The following VWA3B variants were observed in gnomAD, a reference collection of about 807,000 sequenced individuals.
VWA3B encodes the protein von Willebrand factor A domain-containing protein 3B.
A neutral mutation model predicts 158.3 loss-of-function variants in VWA3B; 138 were observed. The ratio of observed to expected loss-of-function variants is 0.87; its 90% confidence interval spans 0.76 to 1.00. The LOEUF (loss-of-function observed/expected upper bound fraction) is 1.00, where lower values mean the gene tolerates loss of function less well. Ranked by LOEUF, VWA3B falls within the 50% of genes least tolerant of loss-of-function variation. VWA3B has a pLI of 0.00. For synonymous variants in VWA3B, 596 were observed against 587.3 expected (o/e 1.01, Z -0.21); for missense variants, 1,555 against 1,565.1 (o/e 0.99, Z 0.11).
intron 3 of VWA3B, among the ~76,000 whole-genome samples, chr2:98,117,356 C>T (rs533244849): frequency 2.0e-5 from 3 of 152,226 alleles, no homozygotes; most frequent in South Asian, 2.1e-4. Context: ...GCTTAGTTTC[C>T]GGATGCTTTC....
intron 7 of VWA3B, among the ~76,000 whole-genome samples, chr2:98,141,298 G>T (rs34473451): frequency 0.092 from 13,976 of 152,190 alleles, 990 homozygotes; most frequent in African/African-American, 0.2. Flanking sequence ...AAAGAAAAGA[G>T]GTTTATTAGG....
rs552377353 is a variant in VWA3B at position 98,161,781 on chromosome 2, A to T, written c.989-1070A>T. 1.4e-4 allele frequency among the ~76,000 whole-genome samples: 21 copies of T among 152,204 alleles called. No individual in the cohort carries two copies. The South Asian group carries it at 1.9e-3, about 14-fold the overall frequency. On this transcript the variant is annotated intron_variant, in intron 7 of 27. Coordinates refer to ENST00000477737, the MANE Select transcript of VWA3B (RefSeq NM_144992.5). ...GAGTGCAGTGGTGTGATCTCAGCTC[A>T]CTGCAGCCTCCGCCTCCCCAGTTCA...
chr2:98,290,471 C>A, intron 22 of VWA3B, 40 bp from the exon 23 acceptor site: 1 of 1,449,530 alleles, frequency 6.9e-7, no homozygotes, highest in Non-Finnish European at 9.4e-7. Flanking sequence ...CATCTGCATT[C>A]ACTTTTTCTC....
rs1275820487 is a variant in VWA3B, at chr2:98,125,281, ACTGT to A, written c.703-2954_703-2951del. Reference sequence around the variant, plus strand: ...GGTAACCACAGAAGTGAAAAAAGTGACTGTCTGGGGCCACCTTCTATTGCTTGCT... The same window carrying A: ...GGTAACCACAGAAGTGAAAAAAGTGACTGGGGCCACCTTCTATTGCTTGCT... On this transcript the variant is annotated intron_variant, in intron 5 of 27. Coordinates refer to ENST00000477737, the MANE Select transcript of VWA3B (RefSeq NM_144992.5). The surrounding 1 kb of genome is among the most constrained non-coding windows in gnomAD (Gnocchi z 4.1). Among the ~76,000 whole-genome samples the A allele has an allele frequency of 6.6e-6, 1 of 152,216 alleles. No homozygotes were observed. Among genetic ancestry groups the A allele is most frequent in the Non-Finnish European group, 1.5e-5 (1 of 68,040 alleles).
chr2:98,163,854 G>A (rs902653301), intron 8 of VWA3B, among the ~76,000 whole-genome samples: 1 of 152,140 alleles, frequency 6.6e-6, no homozygotes, highest in African/African-American at 2.4e-5. Context: ...CAGATACTGA[G>A]GGTGGGGCAT....
chr2:98,162,054 C>A (rs1244968408), intron 7 of VWA3B, among the ~76,000 whole-genome samples: 1 of 152,098 alleles, frequency 6.6e-6, no homozygotes, highest in African/African-American at 2.4e-5. Flanking sequence ...AACATAGTAC[C>A]ACAGCATGGC....
rs1003143614 is a variant in VWA3B at position 98,119,410 on chromosome 2, T to C, written c.292-103T>C. ...GGATTCTGTAGTGTTTGGAGGGTCA[T>C]TGACAACACTGTTATGAGTGCACAG... On this transcript the variant is annotated intron_variant, in intron 3 of 27. Transcript: ENST00000477737. The C allele has an allele frequency of 6.0e-6, 8 of 1,332,788 alleles. No homozygotes were observed. The Admixed American group carries it at 9.1e-5, about 15-fold the overall frequency. The allele number at this position is 1,332,788 out of a possible 1,614,324, so 82.6% of individuals were successfully genotyped here.
chr2:98,330,259 G>A, the VWA3B span, among the ~76,000 whole-genome samples: 1 of 152,080 alleles, frequency 6.6e-6, no homozygotes, highest in Non-Finnish European at 1.5e-5. Flanking sequence ...TAACTAAGGG[G>A]CTCTTTTCCC....
intron 21 of VWA3B, among the ~76,000 whole-genome samples, chr2:98,266,471 A>G (rs968003843): frequency 6.6e-6 from 1 of 151,434 alleles, no homozygotes; most frequent in African/African-American, 2.4e-5. Flanking sequence ...GTTTGAAGTC[A>G]GGTAGTGTGA....
intron 8 of VWA3B, among the ~76,000 whole-genome samples, chr2:98,166,977 C>A (rs1052114466): frequency 6.6e-6 from 1 of 152,282 alleles, no homozygotes; most frequent in South Asian, 2.1e-4. Flanking sequence ...CTCTATACCA[C>A]GTGTCCGACC....
At chr2:98,277,716 G>A (rs1174341987) in intron 22 of VWA3B, among the ~76,000 whole-genome samples, 1 of 152,204 alleles carries the variant, frequency 6.6e-6, no homozygotes, top group Non-Finnish European at 1.5e-5. Context: ...AATGCACACA[G>A]GGAGGCAGGC....
chr2:98,310,177 T>A (rs1479240978), intron 26 of VWA3B, among the ~76,000 whole-genome samples: 1 of 152,228 alleles, frequency 6.6e-6, no homozygotes, highest in Non-Finnish European at 1.5e-5. Context: ...CCATGGGTCC[T>A]CTTGTTCTTT....
chr2:98,282,432 CTTTTTTTTT>C (rs759230723), intron 22 of VWA3B, among the ~76,000 whole-genome samples: 3 of 124,902 alleles, frequency 2.4e-5, no homozygotes, highest in Non-Finnish European at 4.9e-5. Flanking sequence ...ACATGAATTA[CTTTTTTTTT>C]TTTTTTTTTT....
chr2:98,173,432 T>C (rs1679759500), intron 8 of VWA3B, among the ~76,000 whole-genome samples: 1 of 152,220 alleles, frequency 6.6e-6, no homozygotes, highest in Admixed American at 6.5e-5. Context: ...CAAATATGTA[T>C]TTTCCAATGG....
At chr2:98,323,389 A>C in the VWA3B span, among the ~76,000 whole-genome samples, 3 of 152,174 alleles carry the variant, frequency 2.0e-5, no homozygotes, top group Non-Finnish European at 4.4e-5. Flanking sequence ...AAAAACAAAT[A>C]AAAAGGGAAA....
chr2:98,181,638 A>G (rs1680587813), intron 9 of VWA3B, among the ~76,000 whole-genome samples: 3 of 152,204 alleles, frequency 2.0e-5, no homozygotes, highest in African/African-American at 7.2e-5. Flanking sequence ...CAGCCAGCAT[A>G]CAGCGCAATC....
chr2:98,304,047 A>G (rs933247162), intron 26 of VWA3B, among the ~76,000 whole-genome samples: 4 of 152,190 alleles, frequency 2.6e-5, no homozygotes, highest in Middle Eastern at 3.2e-3. Flanking sequence ...GAAAGCATTC[A>G]TGAATATGAA....
At chr2:98,217,068 G>A (rs1684087068) in intron 13 of VWA3B, 2 of 1,046,294 alleles carry the variant, frequency 1.9e-6, no homozygotes, top group Non-Finnish European at 1.3e-6. Flanking sequence ...GGGGAGCTGG[G>A]CAGAGGGTGG....
At chr2:98,308,953 T>C (rs773857926) in intron 26 of VWA3B, among the ~76,000 whole-genome samples, 19 of 152,036 alleles carry the variant, frequency 1.2e-4, no homozygotes, top group Non-Finnish European at 2.2e-4. Context: ...GGGCAGATCA[T>C]TTGAGGTCAG....
Sources: gnomAD v4.1 joint callset for allele counts (sites outside exome capture counted in the v4.1 genomes callset) on GRCh38, gnomAD v4.1.1 for gene constraint, Gnocchi (gnomAD v3.1) non-coding constraint, MANE v1.5 for transcripts, NCBI Gene and HGNC (gene_info 2026-07-23, HGNC 2026-07-21) for gene names.